Variants in TTC39C observed in about 807,000 individuals in gnomAD.
TTC39C encodes tetratricopeptide repeat domain 39C.
TTC39C carries 33 observed loss-of-function variants against 76.3 expected under a neutral mutation model. That is an observed-to-expected ratio of 0.43 (90% confidence interval 0.33 to 0.58). The LOEUF is 0.58. TTC39C is among the 20% of genes least tolerant of loss of function. The pLI is 0.04. For missense variants in TTC39C, 595 were observed against 701.4 expected (o/e 0.85, Z 1.71); for synonymous variants, 254 against 260.6 (o/e 0.97, Z 0.24).
intron 1 of TTC39C, among the ~76,000 whole-genome samples, chr18:24,052,891 G>A (rs1000861516): frequency 6.6e-6 from 1 of 152,204 alleles, no homozygotes; most frequent in Non-Finnish European, 1.5e-5. Flanking sequence ...CTGTTGGGAG[G>A]AGGAGACCTC....
chr18:24,045,665 G>C (rs1274552152), intron 1 of TTC39C, among the ~76,000 whole-genome samples: 1 of 151,720 alleles, frequency 6.6e-6, no homozygotes. Flanking sequence ...GTGAAATTTT[G>C]TACAAGTAAA....
At chr18:24,047,589 C>G (rs1191356364) in intron 1 of TTC39C, among the ~76,000 whole-genome samples, 1 of 152,022 alleles carries the variant, frequency 6.6e-6, no homozygotes, top group Admixed American at 6.6e-5. Context: ...CTCCTTCCTT[C>G]CCTTTCTGTC....
intron 1 of TTC39C, among the ~76,000 whole-genome samples, chr18:24,018,710 G>A (rs2083484712): frequency 6.6e-6 from 1 of 152,094 alleles, no homozygotes; most frequent in Non-Finnish European, 1.5e-5. Flanking sequence ...GAGGGGCGGG[G>A]CAAGGAGAAA....
chr18:24,043,881 C>CA (rs1312600345), intron 1 of TTC39C, among the ~76,000 whole-genome samples: 3 of 152,210 alleles, frequency 2.0e-5, no homozygotes, highest in Non-Finnish European at 4.4e-5. Flanking sequence ...TTTGCATCTG[C>CA]AAAGGGTTTC....
chr18:24,019,799 G>A, intron 1 of TTC39C: 1 of 1,340,076 alleles, frequency 7.5e-7, no homozygotes, highest in Non-Finnish European at 1.0e-6. Flanking sequence ...GCAGAAATGA[G>A]TAGTGTCAGA....
chr18:24,072,014 C>T (rs765876088), intron 4 of TTC39C, among the ~76,000 whole-genome samples: 28 of 152,174 alleles, frequency 1.8e-4, no homozygotes, highest in Non-Finnish European at 4.1e-4. Flanking sequence ...TTCAAACAAA[C>T]ACAACCAACA....
At chr18:24,127,091 A>G (rs1335566416) in intron 10 of TTC39C, among the ~76,000 whole-genome samples, 1 of 152,206 alleles carries the variant, frequency 6.6e-6, no homozygotes, top group Non-Finnish European at 1.5e-5. Context: ...AAAACTAACA[A>G]CAAAGATATG....
chr18:24,080,806 C>A lies in TTC39C; in HGVS notation c.682C>A (p.Leu228Ile), dbSNP rs1317032023. Residue 228 changes from leucine to isoleucine, a missense_variant, in exon 5 of 14, where the codon CTT becomes ATT. Leu to Ile is a conservative substitution (Grantham distance 5). Transcript: ENST00000317571. ...TAGCTTTGGATATGGCCTTTTTCAC[C>A]TTTGCATATCCATGGTGCCCCCAAA... is the stretch of plus-strand genomic sequence containing the variant. Reference protein sequence around the residue: ...AVSFGYGLFHLCISMVPPNLL... With the variant: ...AVSFGYGLFHICISMVPPNLL... 6.2e-7 allele frequency: 1 copy of A among 1,614,094 alleles called. No individual in the cohort carries two copies. The highest frequency in any genetic ancestry group is 8.5e-7 in the Non-Finnish European group (1 of 1,180,014).
At chr18:24,027,220 A>T (rs2145668372) in intron 1 of TTC39C, among the ~76,000 whole-genome samples, 1 of 151,956 alleles carries the variant, frequency 6.6e-6, no homozygotes, top group Non-Finnish European at 1.5e-5. Context: ...TGAACCCGGG[A>T]GGCAGAGCTT....
rs2085108660 is a variant in TTC39C at position 24,130,328 on chromosome 18, G to A, written c.1534G>A (p.Val512Ile). Residue 512 changes from valine (V) to isoleucine (I), a missense_variant, in exon 12 of 14, where the codon GTT (valine) becomes ATT (isoleucine). Val to Ile is a conservative substitution (Grantham distance 29). Transcript: ENST00000317571. ...EDAVQYFQRAVKDELCRQNNL... is the reference protein window; with the variant it reads ...EDAVQYFQRAIKDELCRQNNL... Reference sequence around the variant, plus strand: ...TTCCTTTCAGTACTTCCAGCGAGCTGTTAAAGATGAATTGTGTCGTCAGAA... The same window carrying A: ...TTCCTTTCAGTACTTCCAGCGAGCTATTAAAGATGAATTGTGTCGTCAGAA... The A allele has an allele frequency of 4.4e-6, 7 of 1,578,584 alleles. No homozygotes were observed. In the East Asian group the frequency reaches 1.2e-4, roughly 26 times the overall value.
chr18:23,994,248 C>T (rs1038313839), intron 1 of TTC39C: 1 of 143,156 alleles, frequency 7.0e-6, no homozygotes, highest in African/African-American at 2.7e-5. Context: ...TTTTGTGCCA[C>T]GGTTTTTGTT....
intron 8 of TTC39C, among the ~76,000 whole-genome samples, chr18:24,121,949 C>T (rs2084973244): frequency 6.6e-6 from 1 of 152,206 alleles, no homozygotes; most frequent in Admixed American, 6.5e-5. Flanking sequence ...TTGGTGCACA[C>T]TCCTCCATCT....
intron 6 of TTC39C, among the ~76,000 whole-genome samples, chr18:24,112,490 G>A (rs1375816166): frequency 6.6e-6 from 1 of 152,192 alleles, no homozygotes; most frequent in Non-Finnish European, 1.5e-5. Context: ...GAGTTTGAAA[G>A]GGTTAAGAGA....
intron 1 of TTC39C, among the ~76,000 whole-genome samples, chr18:24,004,057 T>G (rs1332022476): frequency 6.6e-6 from 1 of 152,178 alleles, no homozygotes; most frequent in Non-Finnish European, 1.5e-5. Context: ...CACCCAGCAT[T>G]TTTTATTTAC....
intron 6 of TTC39C, among the ~76,000 whole-genome samples, chr18:24,085,023 A>G (rs1187864490): frequency 6.6e-6 from 1 of 152,184 alleles, no homozygotes; most frequent in Non-Finnish European, 1.5e-5. Context: ...GATTTCTTCA[A>G]GTTCTGAGTA....
chr18:24,030,865 C>T (rs1004968881), intron 1 of TTC39C, among the ~76,000 whole-genome samples: 9 of 151,996 alleles, frequency 5.9e-5, no homozygotes, highest in South Asian at 2.1e-4. Context: ...AGCCTGGTCT[C>T]GAACTCCTGA....
intron 6 of TTC39C, among the ~76,000 whole-genome samples, chr18:24,111,916 TA>T (rs768442317): frequency 0.61 from 66,143 of 108,156 alleles, 16,683 homozygotes; most frequent in Non-Finnish European, 0.69. Flanking sequence ...AATATATATA[TA>T]TATATATTTT....
chr18:24,048,623 ATTC>A (rs1423375563), intron 1 of TTC39C, among the ~76,000 whole-genome samples: 5 of 152,162 alleles, frequency 3.3e-5, no homozygotes, highest in Admixed American at 3.3e-4. Context: ...TCCTATCTCT[ATTC>A]TTCTGAAATA....
intron 6 of TTC39C, among the ~76,000 whole-genome samples, chr18:24,103,971 A>T (rs2084712635): frequency 6.8e-6 from 1 of 147,540 alleles, no homozygotes; most frequent in Non-Finnish European, 1.5e-5. Flanking sequence ...TTGTTCTGTC[A>T]CCCAGGCTGG....
Sources: allele counts gnomAD v4.1 joint callset (sites outside exome capture counted in the v4.1 genomes callset), GRCh38; gene constraint gnomAD v4.1.1; transcripts MANE v1.5; gene names NCBI Gene and HGNC (gene_info 2026-07-23, HGNC 2026-07-21).